The following DPY19L1 variants were observed in gnomAD, a reference collection of about 807,000 sequenced individuals.
DPY19L1 encodes the protein dpy-19 like C-mannosyltransferase 1.
DPY19L1 carries 35 observed loss-of-function variants against 96.9 expected under a neutral mutation model. The ratio of observed to expected loss-of-function variants is 0.36; its 90% CI spans 0.28 to 0.48. The LOEUF is 0.48. Among genes scored for constraint, DPY19L1 ranks in the 20% least tolerant of loss-of-function variants. The probability of loss-of-function intolerance (pLI) is 0.99; values close to 1 mark genes in which losing one functional copy is unlikely to be tolerated. For synonymous variants in DPY19L1, 205 were observed against 252.6 expected (o/e 0.81, Z 1.79); for missense variants, 521 against 777.9 (o/e 0.67, Z 3.93).
intron 1 of DPY19L1, among the ~76,000 whole-genome samples, chr7:35,032,931 C>G (rs184861217): frequency 3.6e-4 from 55 of 152,306 alleles, no homozygotes; most frequent in African/African-American, 1.3e-3. Context: ...AGGCCAGCAA[C>G]CCTCTTGCTA....
chr7:34,966,102 C>T (rs1430903540), intron 10 of DPY19L1, among the ~76,000 whole-genome samples: 2 of 151,960 alleles, frequency 1.3e-5, no homozygotes, highest in Non-Finnish European at 2.9e-5. Flanking sequence ...CTCAAATGTC[C>T]TCTTGCCTCA....
In DPY19L1 at chr7:34,997,687, T is replaced by C. The variant is rs951557577; in HGVS notation, c.765-7746A>G. 5.9e-5 allele frequency among the ~76,000 whole-genome samples: 9 copies of C among 151,818 alleles called. No homozygotes were observed. In the South Asian group the frequency reaches 1.0e-3, roughly 17 times the overall value. ...TCACAGCCTATTTAAGATGTGTTTT[T>C]TGGCCAAAAATCCAGCCTGTATAAG... On this transcript the variant is annotated intron_variant, in intron 6 of 21. Coordinates refer to ENST00000638088, the MANE Select transcript of DPY19L1 (RefSeq NM_001366673.1).
At chr7:34,974,842 T>C (rs1416534481) in intron 7 of DPY19L1, among the ~76,000 whole-genome samples, 1 of 152,208 alleles carries the variant, frequency 6.6e-6, no homozygotes, top group Non-Finnish European at 1.5e-5. Flanking sequence ...CTCTGTGTCA[T>C]ATTTTGGTAA....
At chr7:35,017,421 G>A (rs2128679831) in intron 3 of DPY19L1, among the ~76,000 whole-genome samples, 1 of 149,978 alleles carries the variant, frequency 6.7e-6, no homozygotes, top group South Asian at 2.1e-4. Context: ...CGTGAACCCG[G>A]GAAGCGGAGC....
intron 10 of DPY19L1, among the ~76,000 whole-genome samples, chr7:34,966,690 C>A (rs1432442269): frequency 6.6e-6 from 1 of 152,144 alleles, no homozygotes; most frequent in Admixed American, 6.5e-5. Flanking sequence ...AAGTTGGGCA[C>A]AACTTCAATC....
At chr7:34,980,922 G>A (rs760919155) in intron 7 of DPY19L1, among the ~76,000 whole-genome samples, 10 of 152,120 alleles carry the variant, frequency 6.6e-5, no homozygotes, top group Admixed American at 5.2e-4. Context: ...AAAGACTTCA[G>A]GCATAAGAAA....
rs1161959357 is a variant in DPY19L1 at position 35,017,501 on chromosome 7, C to CAA, written c.411+379_411+380dup. 5.1e-4 allele frequency among the ~76,000 whole-genome samples: 7 copies of CAA among 13,680 alleles called. 1 individual carries two copies. In the South Asian group the frequency reaches 7.0e-3, roughly 14 times the overall value. The allele number at this position is 13,680 out of a possible 152,430, so 9.0% of individuals were successfully genotyped here. ...TGGGCGACAGAGCGAGACTCCGTCT[C>CAA]AAAAAAAAAAAAAAAAAAAAATTAG... On this transcript the variant is annotated intron_variant, in intron 3 of 21. Transcript: ENST00000638088.
intron 6 of DPY19L1, among the ~76,000 whole-genome samples, chr7:34,994,580 C>T (rs1250069184): frequency 1.3e-5 from 2 of 151,898 alleles, no homozygotes; most frequent in East Asian, 3.9e-4. Context: ...CTGAGGCGGG[C>T]GGATCACGAG....
chr7:34,973,580 G>C lies in DPY19L1; in HGVS notation c.848C>G (p.Pro283Arg). Residue 283 changes from proline (P) to arginine (R), a missense_variant, in exon 8 of 22, where the codon CCT becomes CGT. Transcript: ENST00000638088. Reference sequence around the variant, plus strand: ...TGGATATGAGAAGCTTTCACGGAGAGGTGGTGTCCACATTACACGGGTACA... The same window carrying C: ...TGGATATGAGAAGCTTTCACGGAGACGTGGTGTCCACATTACACGGGTACA... ...GECTRVMWTPPLRESFSYPFL... is the reference protein window; with the variant it reads ...GECTRVMWTPRLRESFSYPFL... 1 of 1,525,680 alleles carries C rather than the reference G, an allele frequency of 6.6e-7. No homozygotes were observed. The highest frequency in any genetic ancestry group is 8.8e-7 in the Non-Finnish European group (1 of 1,134,864). The allele number at this position is 1,525,680 out of a possible 1,614,324, so 94.5% of individuals were successfully genotyped here.
rs768278132 is a variant in DPY19L1 at position 34,973,586 on chromosome 7, G to A, written c.842C>T (p.Thr281Ile). The change falls in exon 8 of 22, where the codon ACA becomes ATA. Residue 281 changes from threonine (T) to isoleucine (I), a missense_variant. Physicochemically the swap from Thr to Ile is moderately conservative, Grantham distance 89 (BLOSUM62 -1). Transcript: ENST00000638088. ...TGAGAAGCTTTCACGGAGAGGTGGT[G>A]TCCACATTACACGGGTACACTGAAA... ...NHGECTRVMW[T>I]PPLRESFSYP... 21 of 1,518,944 alleles carry A rather than the reference G, an allele frequency of 1.4e-5. No individual in the cohort carries two copies. The highest frequency in any genetic ancestry group is 2.0e-5 in the Admixed American group (1 of 50,996). 94.1% of individuals were successfully genotyped at this position (1,518,944 alleles called of 1,614,324 possible).
chr7:34,959,702 C>T (rs1784451021), intron 10 of DPY19L1, among the ~76,000 whole-genome samples: 2 of 133,168 alleles, frequency 1.5e-5, no homozygotes, highest in Admixed American at 8.1e-5. Context: ...CATCACACAT[C>T]AGGGACTGTT....
intron 1 of DPY19L1, among the ~76,000 whole-genome samples, chr7:35,019,925 G>A (rs1785952935): frequency 6.6e-6 from 1 of 152,124 alleles, no homozygotes; most frequent in South Asian, 2.1e-4. Flanking sequence ...TCGGCTGGAG[G>A]AAGTAGGGGG....
chr7:35,032,524 A>G (rs1340193552), intron 1 of DPY19L1, among the ~76,000 whole-genome samples: 5 of 152,180 alleles, frequency 3.3e-5, no homozygotes, highest in Non-Finnish European at 7.3e-5. Flanking sequence ...TAGAAGTTCA[A>G]TGGGAATACA....
chr7:34,945,178 AG>A (rs1249116432), intron 16 of DPY19L1, among the ~76,000 whole-genome samples: 1 of 152,174 alleles, frequency 6.6e-6, no homozygotes, highest in African/African-American at 2.4e-5. Context: ...GAAAATACCA[AG>A]CATGCTATAG....
chr7:34,989,162 T>C (rs1350136150), intron 7 of DPY19L1, among the ~76,000 whole-genome samples: 1 of 152,168 alleles, frequency 6.6e-6, no homozygotes, highest in Non-Finnish European at 1.5e-5. Context: ...TTGCAAAAAG[T>C]ACTTAAAAGA....
intron 3 of DPY19L1, among the ~76,000 whole-genome samples, chr7:35,016,099 TA>T: frequency 6.6e-6 from 1 of 152,318 alleles, no homozygotes; most frequent in East Asian, 1.9e-4. Flanking sequence ...TTCTCTTCAG[TA>T]AAAAGGCCAA....
intron 7 of DPY19L1, among the ~76,000 whole-genome samples, chr7:34,984,814 C>G (rs532469308): frequency 0.013 from 1,868 of 141,184 alleles, 21 homozygotes; most frequent in Non-Finnish European, 0.021. Context: ...AAATCTGCTC[C>G]CACTCTATCC....
chr7:34,987,337 C>T (rs1785072069), intron 7 of DPY19L1, among the ~76,000 whole-genome samples: 1 of 151,976 alleles, frequency 6.6e-6, no homozygotes, highest in Admixed American at 6.6e-5. Context: ...AACCCTTTTA[C>T]TGCATTTCAC....
Position 35,018,562 on chromosome 7 carries a change from AC to A in DPY19L1, c.323+9del, listed in dbSNP as rs1339296781. Reference sequence around the variant, plus strand: ...GCATAAAATACCATAGGAGAAAAAAACAATCTTACCAGTGCAACACTGCTGC... The same window carrying A: ...GCATAAAATACCATAGGAGAAAAAAAAATCTTACCAGTGCAACACTGCTGC... On this transcript the variant is annotated intron_variant, in intron 2 of 21. Transcript: ENST00000638088. 3 of 1,606,732 alleles carry A rather than the reference AC, an allele frequency of 1.9e-6. No individual in the cohort carries two copies. The highest frequency in any genetic ancestry group is 3.4e-5 in the Admixed American group (2 of 58,862).
Sources: gnomAD v4.1 joint callset for allele counts (sites outside exome capture counted in the v4.1 genomes callset) on GRCh38, gnomAD v4.1.1 for gene constraint, MANE v1.5 for transcripts, NCBI Gene and HGNC (gene_info 2026-07-23, HGNC 2026-07-21) for gene names.